The following AGBL1 variants were observed in gnomAD, a reference collection of about 807,000 sequenced individuals.
AGBL1 encodes the protein AGBL carboxypeptidase 1, also known as cytosolic carboxypeptidase 4.
A neutral mutation model predicts 118.9 loss-of-function variants in AGBL1; 130 were observed. That is an observed-to-expected ratio of 1.09 (90% confidence interval 0.95 to 1.26). AGBL1 has a LOEUF of 1.26. Among genes scored for constraint, AGBL1 ranks in the 50% most tolerant of loss-of-function variants. The pLI is 0.00. For synonymous variants in AGBL1, 555 were observed against 478.9 expected (o/e 1.16, Z -2.08); for missense variants, 1,584 against 1,298.1 (o/e 1.22, Z -3.38).
At chr15:86,687,289 G>A (rs912969271) in intron 22 of AGBL1, among the ~76,000 whole-genome samples, 11 of 152,042 alleles carry the variant, frequency 7.2e-5, no homozygotes, top group Non-Finnish European at 1.5e-4. Context: ...CTGCAAAGTC[G>A]GCTGGAGAAC....
At chr15:86,175,010 T>C (rs752989106) in intron 5 of AGBL1, among the ~76,000 whole-genome samples, 3 of 152,166 alleles carry the variant, frequency 2.0e-5, no homozygotes, top group African/African-American at 4.8e-5. Flanking sequence ...AGGGTAATGC[T>C]GGTTTTGTAG....
At chr15:86,942,279 CTG>C (rs1210211307) in intron 23 of AGBL1, among the ~76,000 whole-genome samples, 5 of 152,272 alleles carry the variant, frequency 3.3e-5, no homozygotes, top group African/African-American at 1.2e-4. Flanking sequence ...GCTTGGAGGA[CTG>C]TGAAGTTTTC....
At chr15:86,709,365 G>T (rs190271173) in intron 22 of AGBL1, among the ~76,000 whole-genome samples, 1 of 152,174 alleles carries the variant, frequency 6.6e-6, no homozygotes, top group Admixed American at 6.6e-5. Context: ...GGTGGGGAAG[G>T]CAGGGGAACA....
At chr15:86,166,721 G>A (rs59288769) in intron 5 of AGBL1, among the ~76,000 whole-genome samples, 18,849 of 152,154 alleles carry the variant, frequency 0.12, 1,238 homozygotes, top group Middle Eastern at 0.22. Context: ...CCCATTGCTG[G>A]TTCTGTATTT....
chr15:86,556,560 G>C (rs933073311), intron 21 of AGBL1, among the ~76,000 whole-genome samples: 1 of 152,098 alleles, frequency 6.6e-6, no homozygotes, highest in Non-Finnish European at 1.5e-5. Context: ...TTTTACATAT[G>C]GGGGGGCCCA....
At chr15:86,221,371 G>T (rs1045319423) in intron 5 of AGBL1, among the ~76,000 whole-genome samples, 1 of 152,228 alleles carries the variant, frequency 6.6e-6, no homozygotes, top group Non-Finnish European at 1.5e-5. Flanking sequence ...GGCTCTTGGA[G>T]TGGAAGTAAC....
At chr15:86,777,889 A>G (rs1438364554) in intron 22 of AGBL1, among the ~76,000 whole-genome samples, 7 of 152,276 alleles carry the variant, frequency 4.6e-5, no homozygotes, top group African/African-American at 1.7e-4. Context: ...CTAGACAAAG[A>G]GAAATTTTTA....
intron 21 of AGBL1, among the ~76,000 whole-genome samples, chr15:86,589,991 G>A (rs186827736): frequency 6.6e-6 from 1 of 152,090 alleles, no homozygotes; most frequent in South Asian, 2.1e-4. Flanking sequence ...TGCCCTCAGA[G>A]GGTTTGTTGA....
intron 22 of AGBL1, among the ~76,000 whole-genome samples, chr15:86,676,142 G>A (rs2085842560): frequency 6.6e-6 from 1 of 152,130 alleles, no homozygotes; most frequent in Non-Finnish European, 1.5e-5. Flanking sequence ...GGCTGGTGCA[G>A]CTCCCAGTCT....
At chr15:86,847,647 C>T (rs1037333226) in intron 22 of AGBL1, among the ~76,000 whole-genome samples, 1 of 152,216 alleles carries the variant, frequency 6.6e-6, no homozygotes, top group Non-Finnish European at 1.5e-5. Context: ...CTACCCTCTG[C>T]CAACGGATCT....
At chr15:86,335,849 G>C (rs998388546) in intron 17 of AGBL1, among the ~76,000 whole-genome samples, 1 of 152,152 alleles carries the variant, frequency 6.6e-6, no homozygotes, top group African/African-American at 2.4e-5. Flanking sequence ...CTCTACTCCT[G>C]GTTTGTCACT....
chr15:86,708,402 T>A (rs947405974), intron 22 of AGBL1, among the ~76,000 whole-genome samples: 5 of 151,962 alleles, frequency 3.3e-5, no homozygotes, highest in Non-Finnish European at 7.4e-5. Flanking sequence ...CATCTGCAAG[T>A]CAGGAAAATA....
intron 22 of AGBL1, among the ~76,000 whole-genome samples, chr15:86,853,207 C>A (rs1257176004): frequency 6.6e-6 from 1 of 152,130 alleles, no homozygotes; most frequent in Non-Finnish European, 1.5e-5. Context: ...CCTTGGTATG[C>A]CAAATCACTG....
intron 20 of AGBL1, among the ~76,000 whole-genome samples, chr15:86,548,170 T>C (rs1426980699): frequency 6.6e-6 from 1 of 152,194 alleles, no homozygotes; most frequent in African/African-American, 2.4e-5. Context: ...ATCATCATGA[T>C]ATCTACCAGC....
chr15:86,447,891 TC>T (rs2082143325), intron 18 of AGBL1, among the ~76,000 whole-genome samples: 1 of 152,174 alleles, frequency 6.6e-6, no homozygotes, highest in Non-Finnish European at 1.5e-5. Flanking sequence ...ATGCCTATAA[TC>T]CCAGCACTTT....
At chr15:86,136,254 C>G (rs1424235028) in intron 1 of AGBL1, among the ~76,000 whole-genome samples, 1 of 152,138 alleles carries the variant, frequency 6.6e-6, no homozygotes, top group Non-Finnish European at 1.5e-5. Flanking sequence ...AGTTTGTTAC[C>G]CCCACAATAG....
chr15:86,286,604 T>A (rs2079452140), intron 16 of AGBL1, among the ~76,000 whole-genome samples: 1 of 151,862 alleles, frequency 6.6e-6, no homozygotes, highest in African/African-American at 2.4e-5. Flanking sequence ...TTGGCATATG[T>A]CCTTCAGGGT....
At chr15:86,090,351 G>A (rs1263119984) in intron 1 of AGBL1, among the ~76,000 whole-genome samples, 2 of 152,046 alleles carry the variant, frequency 1.3e-5, no homozygotes, top group Non-Finnish European at 2.9e-5. Context: ...TAAATTATAG[G>A]GAGGAAAAAT....
chr15:86,423,754 C>A (rs913317107), intron 18 of AGBL1, among the ~76,000 whole-genome samples: 3 of 151,938 alleles, frequency 2.0e-5, no homozygotes, highest in Non-Finnish European at 4.4e-5. Flanking sequence ...AGACAGAGAG[C>A]CAAATCATAA....
Sources: allele counts gnomAD v4.1 joint callset (sites outside exome capture counted in the v4.1 genomes callset), GRCh38; gene constraint gnomAD v4.1.1; transcripts MANE v1.5; gene names NCBI Gene and HGNC (gene_info 2026-07-23, HGNC 2026-07-21).